Variants in SEPTIN1 observed in about 807,000 individuals in gnomAD.
SEPTIN1 encodes the protein septin 1, also known as septin-1.
Under a neutral mutation model 50.7 loss-of-function variants are expected in SEPTIN1, and 52 were observed. The ratio of observed to expected loss-of-function variants is 1.03; its 90% CI spans 0.82 to 1.29. SEPTIN1 has a LOEUF of 1.29. SEPTIN1 is among the 50% of genes most tolerant of loss of function. SEPTIN1 has a pLI of 0.00. For synonymous variants in SEPTIN1, 204 were observed against 189.1 expected (o/e 1.08, Z -0.65); for missense variants, 455 against 490.7 (o/e 0.93, Z 0.69).
chr16:30,380,240 G>A, intron 6 of SEPTIN1: 1 of 369,710 alleles, frequency 2.7e-6, no homozygotes, highest in East Asian at 5.1e-5. Flanking sequence ...TTCTAAGATG[G>A]GGCAGACATT....
At position 30,379,175 on chromosome 16, in the gene SEPTIN1, G is replaced by T. The variant is rs1176359510; in HGVS notation, c.784C>A (p.Pro262Thr). The T allele has an allele frequency of 1.9e-6, 3 of 1,614,126 alleles. No homozygotes were observed. ...AGGTTCAGGAAATCGCAGTGATGTG[G>T]GTTCTCCACTGGAGGGGGGGCGGCG... is the stretch of plus-strand genomic sequence containing the variant. ...YSWGTVEVEN[P>T]HHCDFLNLRR... The change falls in exon 9 of 11, where the codon CCA becomes ACA. Residue 262 changes from proline to threonine, a missense_variant. Pro to Thr is a conservative substitution (Grantham distance 38, BLOSUM62 -1). Coordinates refer to ENST00000321367, the MANE Select transcript of SEPTIN1 (RefSeq NM_001365977.2).
In SEPTIN1 at chr16:30,381,322, G is replaced by A; in HGVS notation, c.455+17C>T. Reference sequence around the variant, plus strand: ...CCCTCCCTAAATGCGCCAGCCCCCAGGATCCCCCCACCAGACCCCCGGCCG... The same window carrying A: ...CCCTCCCTAAATGCGCCAGCCCCCAAGATCCCCCCACCAGACCCCCGGCCG... On this transcript the variant is annotated intron_variant, in intron 5 of 10. Coordinates refer to ENST00000321367, the MANE Select transcript of SEPTIN1 (RefSeq NM_001365977.2). This position sits in a 1 kb window ranked among gnomAD's most constrained non-coding sequence, Gnocchi z 4.3. 2 of 1,567,888 alleles carry A rather than the reference G, an allele frequency of 1.3e-6. No homozygotes were observed. Among genetic ancestry groups the A allele is most frequent in the Non-Finnish European group, 1.8e-6 (2 of 1,142,134 alleles).
chr16:30,380,936 A>G (rs759365216), intron 6 of SEPTIN1, 191 bp downstream of exon 6: 5 of 642,838 alleles, frequency 7.8e-6, no homozygotes, highest in Non-Finnish European at 1.4e-5. Context: ...GGGGCTGCAT[A>G]TGTAGCCTAT....
upstream of SEPTIN1, chr16:30,382,679 A>G: frequency 6.5e-7 from 1 of 1,533,966 alleles, no homozygotes; most frequent in South Asian, 1.2e-5. The surrounding 1 kb of genome is among the most constrained non-coding windows in gnomAD (Gnocchi z 4.8). Flanking sequence ...GCCAAGGCCA[A>G]GAACACTTGG....
intron 9 of SEPTIN1, 89 bp from the exon 10 acceptor site, chr16:30,378,789 G>T: frequency 1.5e-6 from 2 of 1,306,448 alleles, no homozygotes; most frequent in Non-Finnish European, 2.1e-6. Context: ...GGCGAGGTTG[G>T]GGTCTAGGAG....
chr16:30,380,815 A>G, intron 6 of SEPTIN1: 1 of 401,354 alleles, frequency 2.5e-6, no homozygotes, highest in Non-Finnish European at 4.6e-6. Flanking sequence ...ATATAAGCAG[A>G]AACAGTGGGA....
chr16:30,380,105 G>A, intron 6 of SEPTIN1, 72 bp from the exon 7 acceptor site: 1 of 1,253,794 alleles, frequency 8.0e-7, no homozygotes, highest in Non-Finnish European at 1.1e-6. Context: ...CAGAGACAGT[G>A]AGACACAGAG....
Position 30,378,590 on chromosome 16 carries a change from G to A in SEPTIN1, c.1032+20C>T, listed in dbSNP as rs1452053684. 8 of 1,610,780 alleles carry A rather than the reference G, an allele frequency of 5.0e-6. No homozygotes were observed. The highest frequency in any genetic ancestry group is 2.2e-5 in the East Asian group (1 of 44,836). ...GGGGACCTGGGGCATCGGTCGGGGG[G>A]AAGCGAGGTGCGTGCTCACCTCTTC... On this transcript the variant is annotated intron_variant, in intron 10 of 10. Coordinates refer to ENST00000321367, the MANE Select transcript of SEPTIN1 (RefSeq NM_001365977.2).
In SEPTIN1 at chr16:30,382,005, G is replaced by C; in HGVS notation, c.196+88C>G. 1 of 1,601,468 alleles carries C rather than the reference G, an allele frequency of 6.2e-7. No homozygotes were observed. ...GGAGGAAAGTCTCAGAAAAAAAGCAGTCAACTACCTGAGTCCCCAGATGGA... is the reference window on the plus strand; with the variant it reads ...GGAGGAAAGTCTCAGAAAAAAAGCACTCAACTACCTGAGTCCCCAGATGGA... On this transcript the variant is annotated intron_variant, in intron 3 of 10. Coordinates refer to ENST00000321367, the MANE Select transcript of SEPTIN1 (RefSeq NM_001365977.2). The surrounding 1 kb of genome is among the most constrained non-coding windows in gnomAD (Gnocchi z 4.8).
At position 30,378,585 on chromosome 16, in the gene SEPTIN1, G is replaced by A. The variant is rs1241856851; in HGVS notation, c.1032+25C>T. 9 of 1,609,584 alleles carry A rather than the reference G, an allele frequency of 5.6e-6. No homozygotes were observed. The East Asian group carries it at 8.9e-5, about 16-fold the overall frequency. ...CAGAGGGGGACCTGGGGCATCGGTC[G>A]GGGGGAAGCGAGGTGCGTGCTCACC... On this transcript the variant is annotated intron_variant, in intron 10 of 10. Transcript: ENST00000321367.
intron 7 of SEPTIN1, 39 bp from the exon 8 acceptor site, chr16:30,379,573 C>CGGCAGAAA: frequency 6.7e-7 from 1 of 1,483,514 alleles, no homozygotes; most frequent in Non-Finnish European, 9.4e-7. Context: ...TTGGCTCACA[C>CGGCAGAAA]GGCAGAAACT....
In SEPTIN1 at chr16:30,381,643, C is replaced by T; in HGVS notation, c.320+117G>A. The T allele has an allele frequency of 4.0e-6, 6 of 1,511,000 alleles. No individual in the cohort carries two copies. The highest frequency in any genetic ancestry group is 3.8e-5 in the Admixed American group (2 of 52,530). 93.6% of individuals were successfully genotyped at this position (1,511,000 alleles called of 1,614,324 possible). A position where few individuals can be genotyped will look rare whatever the true frequency, so the allele number is the denominator to read the frequency against. ...ATCAAGAAGCACAGGGACCCAGTGG[C>T]CCTCTGAAACAGACACCACCTTTTG... On this transcript the variant is annotated intron_variant, in intron 4 of 10. Coordinates refer to ENST00000321367, the MANE Select transcript of SEPTIN1 (RefSeq NM_001365977.2). The surrounding 1 kb of genome is among the most constrained non-coding windows in gnomAD (Gnocchi z 4.3).
In SEPTIN1 at chr16:30,382,467, A is replaced by G; in HGVS notation, c.18+58T>C. 3 of 1,575,684 alleles carry G rather than the reference A, an allele frequency of 1.9e-6. No homozygotes were observed. The South Asian group carries it at 3.4e-5, about 18-fold the overall frequency. ...TAGGAAGAGTCAGTGGGGTCTGGGG[A>G]CCCCAGGCATGGGGGCTGGGGGCCG... On this transcript the variant is annotated intron_variant, in intron 1 of 10. Transcript: ENST00000321367. This position sits in a 1 kb window ranked among gnomAD's most constrained non-coding sequence, Gnocchi z 4.8.
chr16:30,379,640 C>CTTTTT (rs71149011), intron 7 of SEPTIN1, 106 bp from the exon 8 acceptor site: 10,511 of 236,852 alleles, frequency 0.044, 359 homozygotes, highest in South Asian at 0.09. Context: ...GCCCCTTCCT[C>CTTTTT]TTTTTTTTTT....
At chr16:30,379,307 AG>A in intron 8 of SEPTIN1, 124 bp from the exon 9 acceptor site, 1 of 1,449,358 alleles carries the variant, frequency 6.9e-7, no homozygotes, top group Non-Finnish European at 9.6e-7. Context: ...TCTGCAGCCC[AG>A]CGACCCCCCT....
In SEPTIN1 at chr16:30,381,330, C is replaced by A; in HGVS notation, c.455+9G>T. 1 of 1,613,192 alleles carries A rather than the reference C, an allele frequency of 6.2e-7. No individual in the cohort carries two copies. The highest frequency in any genetic ancestry group is 8.5e-7 in the Non-Finnish European group (1 of 1,179,514). On this transcript the variant is annotated intron_variant, in intron 5 of 10. Transcript: ENST00000321367. This position sits in a 1 kb window ranked among gnomAD's most constrained non-coding sequence, Gnocchi z 4.3. The stretch of plus-strand genomic sequence containing the variant: ...AAATGCGCCAGCCCCCAGGATCCCC[C>A]CACCAGACCCCCGGCCGAAGGGTGA...
intron 6 of SEPTIN1, chr16:30,380,768 TA>T (rs11325889): frequency 0.03 from 8,019 of 264,542 alleles, 381 homozygotes; most frequent in African/African-American, 0.13. Flanking sequence ...AGACTCTATC[TA>T]AAAAAAAAAA....
chr16:30,379,234 AC>A (rs1490775234), intron 8 of SEPTIN1, 51 bp from the exon 9 acceptor site: 1 of 1,604,550 alleles, frequency 6.2e-7, no homozygotes, highest in South Asian at 1.1e-5. Flanking sequence ...TTCGGGTCCA[AC>A]CCACCCGTAA....
At chr16:30,379,320 T>C in intron 8 of SEPTIN1, 115 bp downstream of exon 8, 1 of 1,433,090 alleles carries the variant, frequency 7.0e-7, no homozygotes, top group Non-Finnish European at 9.7e-7. Context: ...GACCCCCCTT[T>C]CCTCCTAGGA....
Sources: gnomAD v4.1 joint callset for allele counts on GRCh38, gnomAD v4.1.1 for gene constraint, Gnocchi (gnomAD v3.1) non-coding constraint, MANE v1.5 for transcripts, NCBI Gene and HGNC (gene_info 2026-07-23, HGNC 2026-07-21) for gene names.